The following COL23A1 variants were observed in gnomAD, a reference collection of about 807,000 sequenced individuals.
COL23A1 encodes the protein collagen type XXIII alpha 1 chain, also known as collagen alpha-1(XXIII) chain.
A neutral mutation model predicts 99.3 loss-of-function variants in COL23A1; 97 were observed. The observed-to-expected ratio is 0.98, with a 90% CI of 0.83 to 1.16. COL23A1 has a LOEUF of 1.16. Among genes scored for constraint, COL23A1 ranks in the 50% most tolerant of loss-of-function variants. The pLI is 0.00. For synonymous variants in COL23A1, 320 were observed against 308.2 expected (o/e 1.04, Z -0.40); for missense variants, 762 against 757.4 (o/e 1.01, Z -0.07).
rs570615060 is a variant in COL23A1, at chr5:178,433,496, C to T, written c.362-126577G>A. Reference sequence around the variant, plus strand: ...GTTTTTATGGAGGCTTTACTACGGGCACAGTTGATCAGATCATTGGCAATT... The same window carrying T: ...GTTTTTATGGAGGCTTTACTACGGGTACAGTTGATCAGATCATTGGCAATT... On this transcript the variant is annotated intron_variant, in intron 2 of 28. Coordinates refer to ENST00000390654, the MANE Select transcript of COL23A1 (RefSeq NM_173465.4). 5.9e-5 allele frequency among the ~76,000 whole-genome samples: 9 copies of T among 152,254 alleles called. No homozygotes were observed. In the East Asian group the frequency reaches 1.4e-3, roughly 23 times the overall value.
intron 2 of COL23A1, among the ~76,000 whole-genome samples, chr5:178,491,017 C>T (rs543234856): frequency 3.7e-4 from 55 of 147,232 alleles, no homozygotes; most frequent in South Asian, 2.6e-3. Context: ...GGAGAGACAG[C>T]GAGAGACAAA....
At chr5:178,294,608 T>A (rs1757646853) in intron 3 of COL23A1, among the ~76,000 whole-genome samples, 1 of 152,150 alleles carries the variant, frequency 6.6e-6, no homozygotes, top group East Asian at 1.9e-4. Flanking sequence ...CACAAAAAAA[T>A]GAAATTGGAT....
At chr5:178,517,762 A>G (rs1211740616) in intron 2 of COL23A1, among the ~76,000 whole-genome samples, 2 of 149,976 alleles carry the variant, frequency 1.3e-5, no homozygotes, top group Non-Finnish European at 3.0e-5. Flanking sequence ...GGGTTTCACC[A>G]TGTTAGCCAG....
chr5:178,435,550 C>CG (rs1766510887), intron 2 of COL23A1, among the ~76,000 whole-genome samples: 1 of 152,246 alleles, frequency 6.6e-6, no homozygotes, highest in Non-Finnish European at 1.5e-5. Flanking sequence ...CACCTGACCT[C>CG]AGGCGAGTTA....
At chr5:178,276,617 C>T (rs1053570117) in intron 5 of COL23A1, among the ~76,000 whole-genome samples, 8 of 152,088 alleles carry the variant, frequency 5.3e-5, no homozygotes, top group African/African-American at 1.9e-4. Flanking sequence ...GGGCAGCCCC[C>T]TTCAGGGCGG....
chr5:178,277,914 G>C (rs1187469311), intron 5 of COL23A1, among the ~76,000 whole-genome samples: 1 of 152,210 alleles, frequency 6.6e-6, no homozygotes, highest in African/African-American at 2.4e-5. Context: ...GTGGGGTGAG[G>C]GAGGATGGAG....
At chr5:178,330,987 C>T (rs1325101556) in intron 2 of COL23A1, among the ~76,000 whole-genome samples, 2 of 152,252 alleles carry the variant, frequency 1.3e-5, no homozygotes, top group African/African-American at 4.8e-5. Context: ...TTGCATGTTT[C>T]CATTCTGCTA....
intron 13 of COL23A1, 65 bp downstream of exon 13, chr5:178,257,458 A>G: frequency 6.5e-7 from 1 of 1,531,120 alleles, no homozygotes; most frequent in Non-Finnish European, 8.9e-7. Flanking sequence ...TAGGGACTTC[A>G]CCAGGTAGAT....
At chr5:178,398,959 A>G (rs1764293337) in intron 2 of COL23A1, among the ~76,000 whole-genome samples, 4 of 152,290 alleles carry the variant, frequency 2.6e-5, no homozygotes. Context: ...ACGGGTGGAG[A>G]GACTGCATTC....
At chr5:178,364,115 T>A (rs1337085157) in intron 2 of COL23A1, among the ~76,000 whole-genome samples, 1 of 152,168 alleles carries the variant, frequency 6.6e-6, no homozygotes, top group Non-Finnish European at 1.5e-5. Context: ...TCTTCTTTGA[T>A]CTTGTGCCAC....
chr5:178,258,954 C>T (rs1581469973), intron 12 of COL23A1, among the ~76,000 whole-genome samples: 1 of 147,334 alleles, frequency 6.8e-6, no homozygotes, highest in Non-Finnish European at 1.5e-5. Context: ...CACTCTGTCG[C>T]CCAGCAGGTT....
intron 2 of COL23A1, among the ~76,000 whole-genome samples, chr5:178,322,234 C>T (rs1392303307): frequency 2.6e-5 from 4 of 152,088 alleles, no homozygotes; most frequent in East Asian, 3.9e-4. Context: ...CCTCGTGATC[C>T]GCCTGCCTCA....
At chr5:178,534,550 G>A (rs1760828187) in intron 2 of COL23A1, among the ~76,000 whole-genome samples, 1 of 152,164 alleles carries the variant, frequency 6.6e-6, no homozygotes, top group Non-Finnish European at 1.5e-5. Flanking sequence ...GGAGGCCAAG[G>A]CGGGCAGATC....
chr5:178,251,909 C>CTTTCT (rs1491367557), intron 17 of COL23A1, among the ~76,000 whole-genome samples: 4 of 59,690 alleles, frequency 6.7e-5, no homozygotes, highest in African/African-American at 2.2e-4. Context: ...ATTTTCTTTT[C>CTTTCT]TTTTTTTTTT....
At chr5:178,538,732 C>T (rs1403909593) in intron 2 of COL23A1, among the ~76,000 whole-genome samples, 1 of 152,096 alleles carries the variant, frequency 6.6e-6, no homozygotes, top group South Asian at 2.1e-4. Context: ...AGCTATCTAC[C>T]CAAGAGAAAT....
intron 2 of COL23A1, among the ~76,000 whole-genome samples, chr5:178,514,046 A>G (rs774010990): frequency 1.3e-5 from 2 of 152,016 alleles, no homozygotes; most frequent in Non-Finnish European, 2.9e-5. Flanking sequence ...CCTTGTCCCC[A>G]TTAAGCAGTA....
intron 1 of COL23A1, among the ~76,000 whole-genome samples, chr5:178,580,210 C>T (rs1475809077): frequency 2.6e-5 from 4 of 152,126 alleles, no homozygotes; most frequent in African/African-American, 4.8e-5. Flanking sequence ...TGCCTGTAAT[C>T]CCAGCTACTC....
chr5:178,310,737 G>A lies in COL23A1; in HGVS notation c.362-3818C>T, dbSNP rs1219176346. On this transcript the variant is annotated intron_variant, in intron 2 of 28. Coordinates refer to ENST00000390654, the MANE Select transcript of COL23A1 (RefSeq NM_173465.4). This position sits in a 1 kb window ranked among gnomAD's most constrained non-coding sequence, Gnocchi z 4.3. The stretch of plus-strand genomic sequence containing the variant: ...GGCCTGGTGTGGAGCAGGTTGCCCC[G>A]GCCCCTGGGAGAGCAGGGCCAGCTT... Among the ~76,000 whole-genome samples the A allele has an allele frequency of 5.9e-5, 9 of 152,014 alleles. No individual in the cohort carries two copies. Among genetic ancestry groups the A allele is most frequent in the South Asian group, 4.1e-4 (2 of 4,824 alleles).
rs1443741396 is a variant in COL23A1, at chr5:178,487,807, CCACTGAAAACCCTGGGT to C, written c.361+72858_361+72874del. On this transcript the variant is annotated intron_variant, in intron 2 of 28. Transcript: ENST00000390654. ...CATCCTAACTCGGAACAGCCAGATC[CCACTGAAAACCCTGGGT>C]CACTGGAACAGGAAGACAAGAGCCA... Among the ~76,000 whole-genome samples the C allele has an allele frequency of 2.6e-5, 4 of 152,174 alleles. No homozygotes were observed. In the East Asian group the frequency reaches 5.8e-4, roughly 22 times the overall value.
Sources: gnomAD v4.1 joint callset for allele counts (sites outside exome capture counted in the v4.1 genomes callset) on GRCh38, gnomAD v4.1.1 for gene constraint, Gnocchi (gnomAD v3.1) non-coding constraint, MANE v1.5 for transcripts, NCBI Gene and HGNC (gene_info 2026-07-23, HGNC 2026-07-21) for gene names.